The following KCNMA1 variants were observed in gnomAD, a reference collection of about 807,000 sequenced individuals.
KCNMA1 encodes Calcium-activated potassium channel subunit alpha-1.
In KCNMA1, 29 loss-of-function variants were observed where a neutral mutation model predicts 140.0. That is an observed-to-expected ratio of 0.21 (90% CI 0.15 to 0.28). KCNMA1 has a LOEUF of 0.28. Ranked by LOEUF, KCNMA1 falls within the 10% of genes least tolerant of loss-of-function variation. The pLI is 1.00. For missense variants in KCNMA1, 880 were observed against 1,602.2 expected (o/e 0.55, Z 7.70); for synonymous variants, 612 against 611.9 (o/e 1.00, Z 0.00).
In KCNMA1 at chr10:77,378,505, T is replaced by C. The variant is rs1022104553; in HGVS notation, c.540+25357A>G. ...CACAATGGACAGTGGGATGTCTCTC[T>C]CTTGCCATATGCATTCAAGAGAAAA... is the stretch of plus-strand genomic sequence containing the variant. On this transcript the variant is annotated intron_variant, in intron 2 of 27. Transcript: ENST00000286628. 6.6e-5 allele frequency among the ~76,000 whole-genome samples: 10 copies of C among 152,348 alleles called. 1 individual carries two copies. In the South Asian group the frequency reaches 8.3e-4, roughly 13 times the overall value.
rs183787604 is a variant in KCNMA1 at position 77,419,837 on chromosome 10, A to G, written c.379-15814T>C. Among the ~76,000 whole-genome samples, 560 of 152,334 alleles carry G rather than the reference A, an allele frequency of 3.7e-3. 3 individuals carry two copies. The highest frequency in any genetic ancestry group is 0.013 in the African/African-American group (520 of 41,582). On this transcript the variant is annotated intron_variant, in intron 1 of 27. Transcript: ENST00000286628. ...ACAGCCCTGGAAAGCAGGACTGAGA[A>G]CCAGAAAACTTCAGTGGAAGTCATT...
At chr10:77,583,629 A>T (rs930767384) in intron 1 of KCNMA1, among the ~76,000 whole-genome samples, 10 of 152,226 alleles carry the variant, frequency 6.6e-5, no homozygotes, top group Non-Finnish European at 1.5e-4. Context: ...GAGTGACTTG[A>T]CTTTCCAGGC....
intron 1 of KCNMA1, among the ~76,000 whole-genome samples, chr10:77,499,436 T>C (rs67889073): frequency 0.19 from 26,650 of 142,510 alleles, 2,779 homozygotes; most frequent in Middle Eastern, 0.25. Context: ...CACACACACA[T>C]ACACACACAC....
At chr10:77,571,052 A>AT (rs1243981808) in intron 1 of KCNMA1, among the ~76,000 whole-genome samples, 1 of 152,118 alleles carries the variant, frequency 6.6e-6, no homozygotes, top group East Asian at 1.9e-4. Flanking sequence ...CAGTTATTCT[A>AT]TTTTTTATTT....
chr10:77,123,889 G>A (rs138307013), intron 5 of KCNMA1, among the ~76,000 whole-genome samples: 96 of 152,316 alleles, frequency 6.3e-4, no homozygotes, highest in Middle Eastern at 3.4e-3. Flanking sequence ...TCTGCCCACT[G>A]AAGTGCCCTG....
At chr10:77,094,021 C>G (rs2096872782) in intron 9 of KCNMA1, among the ~76,000 whole-genome samples, 1 of 152,110 alleles carries the variant, frequency 6.6e-6, no homozygotes, top group Non-Finnish European at 1.5e-5. Flanking sequence ...AGAGCTGGTG[C>G]CTGATTCATG....
intron 1 of KCNMA1, among the ~76,000 whole-genome samples, chr10:77,531,792 C>A (rs933422778): frequency 6.6e-6 from 1 of 152,308 alleles, no homozygotes; most frequent in Middle Eastern, 3.4e-3. Context: ...CCTCACAAGA[C>A]AGCAAGGAAA....
intron 3 of KCNMA1, among the ~76,000 whole-genome samples, chr10:77,189,719 C>G (rs940942333): frequency 6.6e-6 from 1 of 152,030 alleles, no homozygotes; most frequent in Non-Finnish European, 1.5e-5. Context: ...TGGCTAGTCC[C>G]TTTCTAAATT....
intron 19 of KCNMA1, among the ~76,000 whole-genome samples, chr10:76,994,418 A>G (rs544801817): frequency 3.8e-4 from 58 of 152,334 alleles, no homozygotes; most frequent in South Asian, 8.3e-4. Context: ...TGCACACAGT[A>G]AGAGTAGAGA....
intron 2 of KCNMA1, among the ~76,000 whole-genome samples, chr10:77,294,769 AC>A (rs1168339799): frequency 6.6e-6 from 1 of 151,738 alleles, no homozygotes; most frequent in Non-Finnish European, 1.5e-5. Context: ...AAATACAAAA[AC>A]TAGCCAGGCC....
At chr10:77,488,609 A>G (rs1033949572) in intron 1 of KCNMA1, among the ~76,000 whole-genome samples, 1 of 152,164 alleles carries the variant, frequency 6.6e-6, no homozygotes, top group Non-Finnish European at 1.5e-5. Flanking sequence ...GTGGGTGCAC[A>G]GCCCTGCCCA....
At chr10:77,352,555 C>G (rs749330053) in intron 2 of KCNMA1, among the ~76,000 whole-genome samples, 1 of 152,138 alleles carries the variant, frequency 6.6e-6, no homozygotes, top group Non-Finnish European at 1.5e-5. Context: ...TAAACAACCA[C>G]TCGTGTCTAG....
At chr10:77,008,814 TAGAG>T (rs1036518602) in intron 18 of KCNMA1, among the ~76,000 whole-genome samples, 1 of 152,188 alleles carries the variant, frequency 6.6e-6, no homozygotes, top group Admixed American at 6.5e-5. Flanking sequence ...TTCTCCAACT[TAGAG>T]AGGGAACCAA....
chr10:77,142,247 TGTA>T (rs2098191985), intron 5 of KCNMA1, among the ~76,000 whole-genome samples: 1 of 151,714 alleles, frequency 6.6e-6, no homozygotes, highest in South Asian at 2.1e-4. Flanking sequence ...GGCAGGTGCC[TGTA>T]GTCCCAGCTA....
chr10:77,098,318 G>A (rs1262248375), intron 9 of KCNMA1, among the ~76,000 whole-genome samples: 1 of 152,086 alleles, frequency 6.6e-6, no homozygotes, highest in African/African-American at 2.4e-5. Context: ...ATTAAATACA[G>A]TCTCCCAATT....
Position 77,613,674 on chromosome 10 carries a change from T to A in KCNMA1, c.378+23591A>T, listed in dbSNP as rs2087991251. On this transcript the variant is annotated intron_variant, in intron 1 of 27. Transcript: ENST00000286628. Reference sequence around the variant, plus strand: ...ATAATCACTCTGTTCTCCGACAGGATGTTTGCGTTCAAGCCAAAACTGCCT... The same window carrying A: ...ATAATCACTCTGTTCTCCGACAGGAAGTTTGCGTTCAAGCCAAAACTGCCT... Among the ~76,000 whole-genome samples, 6 of 152,318 alleles carry A rather than the reference T, an allele frequency of 3.9e-5. No homozygotes were observed. In the South Asian group the frequency reaches 1.2e-3, roughly 32 times the overall value.
At chr10:77,579,563 G>C (rs532173890) in intron 1 of KCNMA1, among the ~76,000 whole-genome samples, 1 of 152,246 alleles carries the variant, frequency 6.6e-6, no homozygotes, top group African/African-American at 2.4e-5. Flanking sequence ...ACCATTTAAA[G>C]AGATAGAACC....
intron 5 of KCNMA1, among the ~76,000 whole-genome samples, chr10:77,161,365 A>T (rs533172591): frequency 4.8e-4 from 73 of 152,058 alleles, no homozygotes; most frequent in African/African-American, 1.7e-3. Context: ...CTCCTGCCTC[A>T]GCTTCCCAAG....
At chr10:77,370,665 C>A (rs923399238) in intron 2 of KCNMA1, among the ~76,000 whole-genome samples, 2 of 152,202 alleles carry the variant, frequency 1.3e-5, no homozygotes, top group South Asian at 4.1e-4. Flanking sequence ...TCCCCTCTTG[C>A]TCCTCTGTGG....
Sources: allele counts gnomAD v4.1 joint callset (sites outside exome capture counted in the v4.1 genomes callset), GRCh38; gene constraint gnomAD v4.1.1; transcripts MANE v1.5; gene names NCBI Gene and HGNC (gene_info 2026-07-23, HGNC 2026-07-21).